Variants in FAM47E observed in about 807,000 individuals in gnomAD.
FAM47E encodes family with sequence similarity 47 member E.
In FAM47E, 32 loss-of-function variants were observed where a neutral mutation model predicts 41.6. The observed-to-expected ratio is 0.77, with a 90% CI of 0.58 to 1.03. The LOEUF is 1.03. Among genes scored for constraint, FAM47E ranks in the 50% least tolerant of loss-of-function variants. The pLI is 0.00. For synonymous variants in FAM47E, 184 were observed against 188.7 expected, an observed-to-expected ratio of 0.98 and a Z score of 0.20; for missense variants, 424 against 485.4, an observed-to-expected ratio of 0.87 and a Z score of 1.19.
chr4:76,235,304 C>T (rs933208332), intron 2 of FAM47E, among the ~76,000 whole-genome samples: 1 of 151,908 alleles, frequency 6.6e-6, no homozygotes, highest in African/African-American at 2.4e-5. Context: ...GACGATAGAG[C>T]GAGACTCCGT....
chr4:76,268,329 C>A (rs1734730939), intron 3 of FAM47E: 1 of 203,960 alleles, frequency 4.9e-6, no homozygotes, highest in Non-Finnish European at 9.8e-6. Context: ...GTCAAGGTTG[C>A]CTGAGGCTTT....
intron 2 of FAM47E, among the ~76,000 whole-genome samples, chr4:76,258,460 T>C (rs1428667895): frequency 5.3e-5 from 8 of 152,102 alleles, no homozygotes; most frequent in Non-Finnish European, 1.5e-5. Context: ...CAGATATTCA[T>C]GCGAGGGAAA....
At chr4:76,255,049 A>G (rs186790460) in intron 1 of FAM47E, among the ~76,000 whole-genome samples, 159 of 152,316 alleles carry the variant, frequency 1.0e-3, no homozygotes, top group Non-Finnish European at 1.6e-3. Context: ...CAATATGCCA[A>G]TTGGGGCTCC....
intron 2 of FAM47E, among the ~76,000 whole-genome samples, chr4:76,239,576 T>C (rs1214285453): frequency 3.9e-5 from 6 of 152,180 alleles, no homozygotes; most frequent in Non-Finnish European, 8.8e-5. Flanking sequence ...TTAAATCATG[T>C]TGTTTTTTGT....
At chr4:76,240,425 C>G (rs557272547) in intron 2 of FAM47E, among the ~76,000 whole-genome samples, 28 of 152,172 alleles carry the variant, frequency 1.8e-4, no homozygotes, top group African/African-American at 6.5e-4. Context: ...TATTTATATT[C>G]ATGTCTTTCA....
chr4:76,240,683 G>GT lies in FAM47E; in HGVS notation c.81+23002dup, dbSNP rs540290344. On this transcript the variant is annotated intron_variant, in intron 2 of 7. Transcript: ENST00000510197. ...ATCTGCCATTGAATCTCTCTAGCAA[G>GT]TTTTTTTAACTTTCAGCTATTGTAC... Among the ~76,000 whole-genome samples, 505 of 152,128 alleles carry GT rather than the reference G, an allele frequency of 3.3e-3. 7 individuals carry two copies. Among genetic ancestry groups the GT allele is most frequent in the African/African-American group, 0.012 (486 of 41,502 alleles).
chr4:76,228,422 C>A (rs557132274), intron 2 of FAM47E, among the ~76,000 whole-genome samples: 1 of 151,022 alleles, frequency 6.6e-6, no homozygotes, highest in East Asian at 1.9e-4. Context: ...AAGGTTACAG[C>A]AAGCTGAGAT....
chr4:76,233,738 G>A (rs935006823), intron 2 of FAM47E, among the ~76,000 whole-genome samples: 1 of 152,102 alleles, frequency 6.6e-6, no homozygotes, highest in Non-Finnish European at 1.5e-5. Flanking sequence ...CATCCCCTAA[G>A]GCAGGATTGC....
At chr4:76,231,370 G>A (rs1296917344) in intron 2 of FAM47E, among the ~76,000 whole-genome samples, 1 of 152,204 alleles carries the variant, frequency 6.6e-6, no homozygotes, top group Non-Finnish European at 1.5e-5. Context: ...TTTCTGAGCT[G>A]CAGCTGGAGA....
chr4:76,224,840 T>C (rs1002458110), intron 2 of FAM47E, among the ~76,000 whole-genome samples: 1 of 152,078 alleles, frequency 6.6e-6, no homozygotes, highest in Non-Finnish European at 1.5e-5. Flanking sequence ...GAGATTTTGG[T>C]GCACACATCA....
At chr4:76,277,572 G>T (rs1212847277) in intron 5 of FAM47E, among the ~76,000 whole-genome samples, 1 of 152,068 alleles carries the variant, frequency 6.6e-6, no homozygotes, top group African/African-American at 2.4e-5. Context: ...TGTAGCATGT[G>T]CAAGGCTGAG....
chr4:76,251,410 T>C (rs1404134308), upstream of FAM47E, among the ~76,000 whole-genome samples: 1 of 152,210 alleles, frequency 6.6e-6, no homozygotes, highest in African/African-American at 2.4e-5. Context: ...TCCTCCTGCC[T>C]TCTTCCTTTC....
At chr4:76,276,632 T>C (rs1735130244) in intron 5 of FAM47E, among the ~76,000 whole-genome samples, 1 of 152,156 alleles carries the variant, frequency 6.6e-6, no homozygotes, top group Non-Finnish European at 1.5e-5. Context: ...CAAAGTGCTG[T>C]GCCCGGCCCA....
At chr4:76,267,636 C>T (rs1010837444) in intron 3 of FAM47E, 2 of 152,232 alleles carry the variant, frequency 1.3e-5, no homozygotes, top group African/African-American at 4.8e-5. Flanking sequence ...GCCCAAAAGT[C>T]CATCACCTGG....
intron 1 of FAM47E, among the ~76,000 whole-genome samples, chr4:76,215,571 T>A (rs1733191183): frequency 6.6e-6 from 1 of 152,162 alleles, no homozygotes; most frequent in Admixed American, 6.5e-5. Flanking sequence ...TTTGGGCAGG[T>A]TTTAGCAATT....
intron 2 of FAM47E, among the ~76,000 whole-genome samples, chr4:76,258,463 G>A (rs377316502): frequency 1.6e-4 from 24 of 152,176 alleles, no homozygotes; most frequent in East Asian, 7.7e-4. Flanking sequence ...ATATTCATGC[G>A]AGGGAAAGTA....
intron 3 of FAM47E, among the ~76,000 whole-genome samples, chr4:76,266,786 C>T (rs541228399): frequency 7.4e-4 from 113 of 152,216 alleles, no homozygotes; most frequent in Non-Finnish European, 1.4e-3. Flanking sequence ...CAAGCCTCAT[C>T]CTCTACTATT....
At chr4:76,262,358 A>G (rs1227921954) in intron 2 of FAM47E, among the ~76,000 whole-genome samples, 1 of 152,200 alleles carries the variant, frequency 6.6e-6, no homozygotes, top group Admixed American at 6.5e-5. Flanking sequence ...GTAATTGCCC[A>G]TAATCTATCT....
intron 4 of FAM47E, 71 bp from the exon 5 acceptor site, chr4:76,271,497 T>G: frequency 6.6e-7 from 1 of 1,515,936 alleles, no homozygotes; most frequent in Non-Finnish European, 8.9e-7. Flanking sequence ...GCGATGGCCC[T>G]CAGATTAAAG....
Sources: gnomAD v4.1 joint callset for allele counts (sites outside exome capture counted in the v4.1 genomes callset) on GRCh38, gnomAD v4.1.1 for gene constraint, MANE v1.5 for transcripts, NCBI Gene and HGNC (gene_info 2026-07-23, HGNC 2026-07-21) for gene names.